NRG3: variants seen among roughly 807,000 people sequenced by gnomAD.
NRG3 encodes the protein pro-neuregulin-3, membrane-bound isoform.
NRG3 carries 31 observed loss-of-function variants against 66.9 expected under a neutral mutation model. The observed-to-expected ratio is 0.46, with a 90% confidence interval of 0.35 to 0.63. The LOEUF (loss-of-function observed/expected upper bound fraction) is 0.63. NRG3 is among the 20% of genes least tolerant of loss of function. The probability of loss-of-function intolerance (pLI) is 0.00; values close to 1 mark genes in which losing one functional copy is unlikely to be tolerated. For missense variants in NRG3, 910 were observed against 878.9 expected (o/e 1.04, Z -0.45); for synonymous variants, 393 against 359.4 (o/e 1.09, Z -1.06).
chr10:82,798,583 A>G (rs1231616946), intron 3 of NRG3, among the ~76,000 whole-genome samples: 4 of 152,202 alleles, frequency 2.6e-5, no homozygotes, highest in Non-Finnish European at 5.9e-5. Flanking sequence ...GAAACACCCC[A>G]AAGGAAAAAA....
In NRG3 at chr10:82,918,014, A is replaced by C. The variant is rs528913850; in HGVS notation, c.1055-33455A>C. On this transcript the variant is annotated intron_variant, in intron 4 of 8. Coordinates refer to ENST00000372141, the MANE Select transcript of NRG3 (RefSeq NM_001010848.4). ...TATATGTATGTATGTATCTCTCTCT[A>C]TATATATACATACATATTCTTACAT... Among the ~76,000 whole-genome samples, 768 of 145,056 alleles carry C rather than the reference A, an allele frequency of 5.3e-3. 4 individuals are homozygous for C. The highest frequency in any genetic ancestry group is 8.0e-3 in the Admixed American group (116 of 14,576).
chr10:82,536,357 G>A (rs1015265224), intron 2 of NRG3, among the ~76,000 whole-genome samples: 13 of 152,142 alleles, frequency 8.5e-5, no homozygotes, highest in Non-Finnish European at 1.6e-4. Flanking sequence ...AGACATGAAT[G>A]GCTCAAACTA....
At chr10:82,725,899 T>C (rs2057570277) in intron 2 of NRG3, among the ~76,000 whole-genome samples, 1 of 152,166 alleles carries the variant, frequency 6.6e-6, no homozygotes, top group South Asian at 2.1e-4. Context: ...GTACTGCCCC[T>C]ACACTGCTAT....
chr10:82,602,997 G>A (rs1398419064), intron 2 of NRG3, among the ~76,000 whole-genome samples: 2 of 152,188 alleles, frequency 1.3e-5, no homozygotes, highest in African/African-American at 2.4e-5. Context: ...TGAATAAGAA[G>A]TAGAAGGGCA....
chr10:82,588,546 A>G (rs2046804086), intron 2 of NRG3, among the ~76,000 whole-genome samples: 1 of 151,660 alleles, frequency 6.6e-6, no homozygotes, highest in Non-Finnish European at 1.5e-5. Context: ...TCTGTCGCCC[A>G]GGCTGGAGTG....
chr10:82,707,058 TA>T (rs1171762103), intron 2 of NRG3, among the ~76,000 whole-genome samples: 2 of 147,946 alleles, frequency 1.4e-5, no homozygotes, highest in Non-Finnish European at 3.0e-5. Flanking sequence ...TTTGATATAT[TA>T]AAAAATAAAC....
chr10:82,187,346 G>A (rs1386979346), intron 1 of NRG3, among the ~76,000 whole-genome samples: 2 of 152,090 alleles, frequency 1.3e-5, no homozygotes, highest in Non-Finnish European at 2.9e-5. Context: ...TTAAGGCATC[G>A]TTGCCTCTGG....
intron 1 of NRG3, among the ~76,000 whole-genome samples, chr10:81,925,747 TAA>T (rs34656715): frequency 0.022 from 3,364 of 150,300 alleles, 99 homozygotes; most frequent in African/African-American, 0.065. Flanking sequence ...ACTTTTTTTT[TAA>T]AAAAAAAAGA....
At chr10:82,009,118 A>G (rs1174576219) in intron 1 of NRG3, among the ~76,000 whole-genome samples, 25 of 152,246 alleles carry the variant, frequency 1.6e-4, no homozygotes, top group Admixed American at 1.4e-3. Context: ...AAGCCGTATT[A>G]CTATTTTGCT....
intron 1 of NRG3, among the ~76,000 whole-genome samples, chr10:82,201,381 C>T (rs1277284577): frequency 6.6e-6 from 1 of 152,048 alleles, no homozygotes; most frequent in African/African-American, 2.4e-5. Context: ...TTTGATGTCT[C>T]ATAAGGGGTT....
chr10:81,932,198 GAGAT>G (rs1020482581), intron 1 of NRG3, among the ~76,000 whole-genome samples: 2 of 139,394 alleles, frequency 1.4e-5, no homozygotes, highest in African/African-American at 2.7e-5. Context: ...AGAGGAGAGA[GAGAT>G]TGAGAGAAAG....
intron 1 of NRG3, among the ~76,000 whole-genome samples, chr10:82,059,388 A>T (rs1225592052): frequency 6.6e-6 from 1 of 152,184 alleles, no homozygotes; most frequent in Non-Finnish European, 1.5e-5. Context: ...GTGAATGGCC[A>T]GATTAGGTAA....
chr10:82,757,044 C>T (rs918914456), intron 3 of NRG3, among the ~76,000 whole-genome samples: 1 of 151,962 alleles, frequency 6.6e-6, no homozygotes, highest in Non-Finnish European at 1.5e-5. Flanking sequence ...TTCCTCTCTT[C>T]CTAAACAGAA....
intron 2 of NRG3, among the ~76,000 whole-genome samples, chr10:82,404,371 G>T (rs779831821): frequency 4.6e-5 from 7 of 152,216 alleles, no homozygotes; most frequent in Middle Eastern, 3.4e-3. Flanking sequence ...TGTCTGCTGG[G>T]ACTATGAGGT....
intron 2 of NRG3, among the ~76,000 whole-genome samples, chr10:82,697,682 G>A (rs924045962): frequency 3.3e-5 from 5 of 152,084 alleles, no homozygotes; most frequent in African/African-American, 1.2e-4. Flanking sequence ...CCTTTTTAAC[G>A]TGACTTTAGT....
At chr10:82,067,414 A>G (rs1005821917) in intron 1 of NRG3, among the ~76,000 whole-genome samples, 4 of 152,050 alleles carry the variant, frequency 2.6e-5, no homozygotes, top group Middle Eastern at 3.2e-3. Flanking sequence ...CCCAGGCGCA[A>G]TCTTGCCCAC....
At chr10:82,689,998 A>T (rs1252258319) in intron 2 of NRG3, among the ~76,000 whole-genome samples, 1 of 152,166 alleles carries the variant, frequency 6.6e-6, no homozygotes, top group African/African-American at 2.4e-5. Flanking sequence ...TTTTATAATG[A>T]CCATTTCCTT....
chr10:82,526,348 A>C (rs1352537474), intron 2 of NRG3, among the ~76,000 whole-genome samples: 1 of 151,832 alleles, frequency 6.6e-6, no homozygotes, highest in East Asian at 1.9e-4. Flanking sequence ...TAAAATTGAA[A>C]GTACAAATTT....
At chr10:82,951,360 C>A in intron 4 of NRG3, 109 bp from the exon 5 acceptor site, 9 of 758,878 alleles carry the variant, frequency 1.2e-5, no homozygotes, top group Admixed American at 2.5e-5. Flanking sequence ...TGACAGAAAC[C>A]AAAAAGTTGG....
Sources: gnomAD v4.1 joint callset for allele counts (sites outside exome capture counted in the v4.1 genomes callset) on GRCh38, gnomAD v4.1.1 for gene constraint, MANE v1.5 for transcripts, NCBI Gene and HGNC (gene_info 2026-07-23, HGNC 2026-07-21) for gene names.